ANKRD45: variants seen among roughly 807,000 people sequenced by gnomAD.
ANKRD45 encodes the protein ankyrin repeat domain 45, also known as ankyrin repeat domain-containing protein 45.
ANKRD45 carries 21 observed loss-of-function variants against 28.1 expected under a neutral mutation model. The ratio of observed to expected loss-of-function variants is 0.75; its 90% CI spans 0.53 to 1.08. ANKRD45 has a LOEUF of 1.08. Among genes scored for constraint, ANKRD45 ranks in the 50% least tolerant of loss-of-function variants. The probability of loss-of-function intolerance (pLI) is 0.00; values close to 1 mark genes in which losing one functional copy is unlikely to be tolerated. For missense variants in ANKRD45, 261 were observed against 308.7 expected (o/e 0.85, Z 1.16); for synonymous variants, 86 against 103.9 (o/e 0.83, Z 1.05).
the ANKRD45 span, among the ~76,000 whole-genome samples, chr1:173,713,698 A>G: frequency 4.0e-5 from 6 of 151,824 alleles, no homozygotes; most frequent in African/African-American, 1.5e-4. Flanking sequence ...ACCCAGAAAC[A>G]ACTCAGTAGG....
the ANKRD45 span, among the ~76,000 whole-genome samples, chr1:173,710,214 C>T: frequency 6.6e-6 from 1 of 152,154 alleles, no homozygotes; most frequent in African/African-American, 2.4e-5. Flanking sequence ...TCCTGTGGTC[C>T]CAGCTACTGA....
chr1:173,658,860 G>T, intron 2 of ANKRD45: 1 of 509,330 alleles, frequency 2.0e-6, no homozygotes, highest in Non-Finnish European at 2.9e-6. Flanking sequence ...CAGGTAACTT[G>T]CCAAGTCACA....
chr1:173,612,488 G>GT (rs1558113722), intron 5 of ANKRD45: 1 of 152,198 alleles, frequency 6.6e-6, no homozygotes, highest in Non-Finnish European at 1.5e-5. Context: ...AGAATTGTTC[G>GT]TAATTTGGGA....
At chr1:173,710,060 T>A in the ANKRD45 span, among the ~76,000 whole-genome samples, 1 of 152,200 alleles carries the variant, frequency 6.6e-6, no homozygotes, top group Non-Finnish European at 1.5e-5. Flanking sequence ...TGTGGTGGCT[T>A]ATGTCTCTAA....
Position 173,660,030 on chromosome 1 carries a change from T to C in ANKRD45, c.-15-597A>G, listed in dbSNP as rs72709375. Among the ~76,000 whole-genome samples, 516 of 152,276 alleles carry C rather than the reference T, an allele frequency of 3.4e-3. 1 individual carries two copies. Among genetic ancestry groups the C allele is most frequent in the Non-Finnish European group, 6.1e-3 (415 of 68,010 alleles). Reference sequence around the variant, plus strand: ...AGTAATAATGCTATGGGAGAAATGCTATGGGAGTTTAGAAGCAATAAGATT... The same window carrying C: ...AGTAATAATGCTATGGGAGAAATGCCATGGGAGTTTAGAAGCAATAAGATT... On this transcript the variant is annotated intron_variant, in intron 1 of 5. Coordinates refer to ENST00000333279, the MANE Select transcript of ANKRD45 (RefSeq NM_198493.3).
intron 3 of ANKRD45, among the ~76,000 whole-genome samples, chr1:173,628,265 G>A (rs951914337): frequency 2.6e-4 from 38 of 149,010 alleles, no homozygotes; most frequent in Non-Finnish European, 1.5e-4. Flanking sequence ...AAGAGTAAAT[G>A]GGACTTTGTC....
At chr1:173,627,854 T>G (rs1668007235) in intron 3 of ANKRD45, among the ~76,000 whole-genome samples, 1 of 151,760 alleles carries the variant, frequency 6.6e-6, no homozygotes, top group Non-Finnish European at 1.5e-5. Context: ...CTTACAGCTC[T>G]GGGAGAGACT....
the ANKRD45 span, among the ~76,000 whole-genome samples, chr1:173,713,473 G>A: frequency 7.0e-6 from 1 of 143,702 alleles, no homozygotes; most frequent in African/African-American, 2.5e-5. Flanking sequence ...CCAGACAACG[G>A]GGATAGATGA....
upstream of ANKRD45, among the ~76,000 whole-genome samples, chr1:173,670,593 T>C (rs562685244): frequency 6.6e-6 from 1 of 152,302 alleles, no homozygotes; most frequent in South Asian, 2.1e-4. Flanking sequence ...AGTTCTGAAA[T>C]GAATATTTGA....
Position 173,647,027 on chromosome 1 carries a change from T to C in ANKRD45, c.329-14A>G. The C allele has an allele frequency of 1.2e-6, 2 of 1,609,032 alleles. No homozygotes were observed. The highest frequency in any genetic ancestry group is 1.7e-6 in the Non-Finnish European group (2 of 1,176,408). On this transcript the variant is annotated splice_polypyrimidine_tract_variant and intron_variant, in intron 2 of 5. Transcript: ENST00000333279. Reference sequence around the variant, plus strand: ...AGAGTGTGTACCCTAACAAATGGAATGAAGATGGTGAGATCAAACAGACTA... The same window carrying C: ...AGAGTGTGTACCCTAACAAATGGAACGAAGATGGTGAGATCAAACAGACTA...
chr1:173,662,433 T>C (rs969247233), intron 1 of ANKRD45, among the ~76,000 whole-genome samples: 1 of 152,234 alleles, frequency 6.6e-6, no homozygotes, highest in African/African-American at 2.4e-5. Context: ...AGGAATTCTT[T>C]GGCTGTAAAT....
intron 3 of ANKRD45, among the ~76,000 whole-genome samples, chr1:173,633,319 TAA>T (rs2102335968): frequency 6.6e-6 from 1 of 151,746 alleles, no homozygotes; most frequent in East Asian, 1.9e-4. Flanking sequence ...ATGAAAACTA[TAA>T]AAGACTGATG....
chr1:173,630,424 G>A (rs867096233), intron 3 of ANKRD45, among the ~76,000 whole-genome samples: 1 of 152,082 alleles, frequency 6.6e-6, no homozygotes, highest in Admixed American at 6.6e-5. Flanking sequence ...GGGGAATGAA[G>A]TTAAAGTGTA....
intron 3 of ANKRD45, among the ~76,000 whole-genome samples, chr1:173,634,896 A>T (rs1432469844): frequency 6.6e-6 from 1 of 151,922 alleles, no homozygotes; most frequent in Non-Finnish European, 1.5e-5. Flanking sequence ...GGAATATATT[A>T]TAAGGGACAG....
intron 5 of ANKRD45, among the ~76,000 whole-genome samples, chr1:173,617,794 T>C (rs536537955): frequency 6.6e-6 from 1 of 152,328 alleles, no homozygotes; most frequent in Admixed American, 6.5e-5. Context: ...ACTGCTTCTT[T>C]AAGCAGGTCC....
At position 173,608,510 on chromosome 1, in the gene ANKRD45, G is replaced by C. The variant is rs748043366; in HGVS notation, c.*1635C>G. Among the ~76,000 whole-genome samples the C allele has an allele frequency of 2.0e-5, 3 of 151,754 alleles. No individual in the cohort carries two copies. The highest frequency in any genetic ancestry group is 4.4e-5 in the Non-Finnish European group (3 of 67,980). ...ATTTTTGTATTTTTAGTAGAGACAG[G>C]GTTTCACCATGTTGGCCAGGCTTGT... On this transcript the variant is annotated 3_prime_UTR_variant, in exon 6 of 6. Transcript: ENST00000333279.
At chr1:173,688,920 A>C in the ANKRD45 span, among the ~76,000 whole-genome samples, 4 of 152,020 alleles carry the variant, frequency 2.6e-5, no homozygotes, top group Non-Finnish European at 4.4e-5. Context: ...TCGGAAACTA[A>C]AAGTTCCTCT....
chr1:173,672,848 C>A (rs1048580377), upstream of ANKRD45, among the ~76,000 whole-genome samples: 44 of 152,094 alleles, frequency 2.9e-4, no homozygotes, highest in South Asian at 6.2e-4. Flanking sequence ...TTTGAAGGGG[C>A]CGAGTGCCCA....
the ANKRD45 span, among the ~76,000 whole-genome samples, chr1:173,708,802 T>G: frequency 8.4e-4 from 128 of 152,356 alleles, no homozygotes; most frequent in African/African-American, 2.9e-3. Context: ...AGGATTTAGA[T>G]TCCATCTTAT....
Sources: gnomAD v4.1 joint callset for allele counts (sites outside exome capture counted in the v4.1 genomes callset) on GRCh38, gnomAD v4.1.1 for gene constraint, MANE v1.5 for transcripts, NCBI Gene and HGNC (gene_info 2026-07-23, HGNC 2026-07-21) for gene names.